RPL19: variants seen among roughly 807,000 people sequenced by gnomAD.
RPL19 encodes the protein ribosomal protein L19.
In RPL19, 2 loss-of-function variants were observed where a neutral mutation model predicts 25.1. That is an observed-to-expected ratio of 0.08 (90% CI 0.03 to 0.25). The LOEUF (loss-of-function observed/expected upper bound fraction) is 0.25, where lower values mean the gene tolerates loss of function less well. RPL19 is among the 10% of genes least tolerant of loss of function. The pLI is 1.00. For missense variants in RPL19, 123 were observed against 271.8 expected (o/e 0.45, Z 3.85); for synonymous variants, 89 against 91.2 (o/e 0.98, Z 0.14).
chr17:39,200,743 G>C, intron 1 of RPL19: 1 of 1,054,806 alleles, frequency 9.5e-7, no homozygotes, highest in South Asian at 3.9e-5. Flanking sequence ...TGCCGAGAGA[G>C]GTGATCTCTA....
chr17:39,202,888 T>C, intron 3 of RPL19, 101 bp from the exon 4 acceptor site: 2 of 1,319,370 alleles, frequency 1.5e-6, no homozygotes, highest in Non-Finnish European at 1.1e-6. Flanking sequence ...GTTGTGAGGA[T>C]TAAATGAGTT....
intron 1 of RPL19, 163 bp from the exon 2 acceptor site, chr17:39,201,050 A>G (rs556420020): frequency 1.1e-4 from 63 of 584,630 alleles, no homozygotes; most frequent in African/African-American, 1.0e-3. Flanking sequence ...GAAGTCTTAA[A>G]CCCAAGGGGG....
intron 1 of RPL19, chr17:39,200,886 A>G (rs1194657918): frequency 1.9e-6 from 1 of 523,594 alleles, no homozygotes; most frequent in African/African-American, 2.0e-5. Flanking sequence ...TTCCTAGACT[A>G]GAAATCAGGT....
rs771528417 is a variant in RPL19 at position 39,200,338 on chromosome 17, C to G, written c.-7C>G. On this transcript the variant is annotated 5_prime_UTR_variant, in exon 1 of 6. Coordinates refer to ENST00000225430, the MANE Select transcript of RPL19 (RefSeq NM_000981.4). ...AGCTCTTTCCTTTCGCTGCTGCGGC[C>G]GCAGCCATGAGGTGAGGGCGAGCTG... is the stretch of plus-strand genomic sequence containing the variant. The G allele has an allele frequency of 1.0e-5, 16 of 1,560,004 alleles. No homozygotes were observed. Among genetic ancestry groups the G allele is most frequent in the Admixed American group, 8.0e-5 (4 of 49,986 alleles).
rs764271609 is a variant in RPL19 at position 39,200,485 on chromosome 17, C to G, written c.5+136C>G. ...GCCGGTCCCGGGGTTTGGGGTAGGC[C>G]GGAGCACTTTCGTCCCGGGCCTCCG... On this transcript the variant is annotated intron_variant, in intron 1 of 5. Transcript: ENST00000225430. 4.6e-6 allele frequency: 6 copies of G among 1,294,188 alleles called. No homozygotes were observed. The South Asian group carries it at 1.1e-4, about 23-fold the overall frequency. The allele number at this position is 1,294,188 out of a possible 1,614,324, so 80.2% of individuals were successfully genotyped here. A position where few individuals can be genotyped will look rare whatever the true frequency, so the allele number is the denominator to read the frequency against.
At chr17:39,203,131 C>G (rs762740420) in intron 4 of RPL19, 22 bp downstream of exon 4, 2 of 1,606,570 alleles carry the variant, frequency 1.2e-6, no homozygotes, top group African/African-American at 2.7e-5. Flanking sequence ...CTCTTGGGCC[C>G]AGTACCCATT....
rs745957881 is a variant in RPL19 at position 39,200,307 on chromosome 17, C to G, written c.-38C>G. On this transcript the variant is annotated 5_prime_UTR_variant, in exon 1 of 6. Coordinates refer to ENST00000225430, the MANE Select transcript of RPL19 (RefSeq NM_000981.4). ...CGCAGATAATGGGAGGAGCCGGGCC[C>G]GAGCGAGCTCTTTCCTTTCGCTGCT... 1 of 1,529,232 alleles carries G rather than the reference C, an allele frequency of 6.5e-7. No homozygotes were observed. Among genetic ancestry groups the G allele is most frequent in the South Asian group, 1.2e-5 (1 of 81,262 alleles). 94.7% of individuals were successfully genotyped at this position (1,529,232 alleles called of 1,614,324 possible).
At chr17:39,201,649 C>G (rs189843978) in intron 2 of RPL19, among the ~76,000 whole-genome samples, 1 of 151,908 alleles carries the variant, frequency 6.6e-6, no homozygotes, top group African/African-American at 2.4e-5. Context: ...CTCAGCTCAC[C>G]GCAACCTCTG....
chr17:39,200,547 A>C, intron 1 of RPL19, 198 bp downstream of exon 1: 1 of 1,298,582 alleles, frequency 7.7e-7, no homozygotes, highest in African/African-American at 1.5e-5. Context: ...AGCAACTGAG[A>C]CCAGGAAAAG....
rs374295747 is a variant in RPL19, at chr17:39,203,129, C to A, written c.356+20C>A. On this transcript the variant is annotated intron_variant, in intron 4 of 5. Coordinates refer to ENST00000225430, the MANE Select transcript of RPL19 (RefSeq NM_000981.4). ...CCACATGTAAGCACACCCTCTTGGGCCCAGTACCCATTTGCTGCTTTGATG... is the reference window on the plus strand; with the variant it reads ...CCACATGTAAGCACACCCTCTTGGGACCAGTACCCATTTGCTGCTTTGATG... 2.4e-5 allele frequency: 38 copies of A among 1,606,148 alleles called. No homozygotes were observed. The highest frequency in any genetic ancestry group is 3.1e-5 in the Non-Finnish European group (36 of 1,174,618).
chr17:39,202,468 A>G, intron 3 of RPL19, 29 bp downstream of exon 3: 1 of 1,613,644 alleles, frequency 6.2e-7, no homozygotes, highest in South Asian at 1.1e-5. Context: ...TCCTTAAGAA[A>G]TGATAGGTGC....
chr17:39,200,421 TG>T, intron 1 of RPL19, 72 bp downstream of exon 1: 1 of 1,315,790 alleles, frequency 7.6e-7, no homozygotes, highest in Non-Finnish European at 9.9e-7. Flanking sequence ...GGACCGCAGC[TG>T]GGGTTGGGGG....
At chr17:39,203,256 A>G in intron 4 of RPL19, 147 bp downstream of exon 4, 2 of 787,942 alleles carry the variant, frequency 2.5e-6, no homozygotes, top group South Asian at 3.5e-5. Context: ...ATCTCAGCTC[A>G]CTACAACCTC....
chr17:39,202,890 A>T, intron 3 of RPL19, 99 bp from the exon 4 acceptor site: 2 of 1,343,764 alleles, frequency 1.5e-6, no homozygotes, highest in Non-Finnish European at 2.1e-6. Flanking sequence ...TGTGAGGATT[A>T]AATGAGTTAA....
At chr17:39,200,382 C>T (rs1455767314) in intron 1 of RPL19, 33 bp downstream of exon 1, 1 of 1,541,114 alleles carries the variant, frequency 6.5e-7, no homozygotes, top group Non-Finnish European at 8.7e-7. Flanking sequence ...CAGGCGCTGA[C>T]GCGTGTCGAC....
rs759661359 is a variant in RPL19, at chr17:39,200,314, G to A, written c.-31G>A. On this transcript the variant is annotated 5_prime_UTR_variant, in exon 1 of 6. Coordinates refer to ENST00000225430, the MANE Select transcript of RPL19 (RefSeq NM_000981.4). Reference sequence around the variant, plus strand: ...AATGGGAGGAGCCGGGCCCGAGCGAGCTCTTTCCTTTCGCTGCTGCGGCCG... The same window carrying A: ...AATGGGAGGAGCCGGGCCCGAGCGAACTCTTTCCTTTCGCTGCTGCGGCCG... 29 of 1,545,712 alleles carry A rather than the reference G, an allele frequency of 1.9e-5. No homozygotes were observed. The Middle Eastern group carries it at 1.4e-3, about 72-fold the overall frequency.
rs759107088 is a variant in RPL19 at position 39,204,682 on chromosome 17, G to C, written c.*34G>C. On this transcript the variant is annotated 3_prime_UTR_variant, in exon 6 of 6. Transcript: ENST00000225430. ...ACTTTGTCTGTACATACTGGCCTCT[G>C]TGATTACATAGATCAGCCATTAAAA... 1.3e-6 allele frequency: 2 copies of C among 1,597,068 alleles called. No individual in the cohort carries two copies. Among genetic ancestry groups the C allele is most frequent in the South Asian group, 2.2e-5 (2 of 89,818 alleles).
At chr17:39,204,500 C>T in intron 5 of RPL19, 25 bp from the exon 6 acceptor site, 4 of 1,613,488 alleles carry the variant, frequency 2.5e-6, no homozygotes, top group Non-Finnish European at 3.4e-6. Flanking sequence ...CCCAAACTGA[C>T]CCGTCTTTTC....
At chr17:39,204,389 C>A in intron 5 of RPL19, 136 bp from the exon 6 acceptor site, 1 of 1,118,230 alleles carries the variant, frequency 8.9e-7, no homozygotes, top group Non-Finnish European at 1.3e-6. Context: ...TTAGTTGAAG[C>A]AGGAGCCTTT....
Sources: allele counts gnomAD v4.1 joint callset (sites outside exome capture counted in the v4.1 genomes callset), GRCh38; gene constraint gnomAD v4.1.1; transcripts MANE v1.5; gene names NCBI Gene and HGNC (gene_info 2026-07-23, HGNC 2026-07-21).